PLXDC1: variants seen among roughly 807,000 people sequenced by gnomAD.
PLXDC1 encodes plexin domain containing 1.
Under a neutral mutation model 61.3 loss-of-function variants are expected in PLXDC1, and 39 were observed. The observed-to-expected ratio is 0.64, with a 90% CI of 0.49 to 0.83. PLXDC1 has a LOEUF of 0.83. Ranked by LOEUF, PLXDC1 falls within the 40% of genes least tolerant of loss-of-function variation. The pLI, the probability that PLXDC1 is intolerant of heterozygous loss-of-function variation, is 0.00. For missense variants in PLXDC1, 596 were observed against 666.5 expected, an observed-to-expected ratio of 0.89 and a Z score of 1.17; for synonymous variants, 212 against 254.5, an observed-to-expected ratio of 0.83 and a Z score of 1.59.
At chr17:39,143,805 T>C (rs1005992135) in intron 1 of PLXDC1, among the ~76,000 whole-genome samples, 4 of 152,218 alleles carry the variant, frequency 2.6e-5, no homozygotes, top group Non-Finnish European at 5.9e-5. Flanking sequence ...AGATGCCCAC[T>C]GGCTGCCCAC....
At chr17:39,134,671 GAAAGA>G (rs1911683312) in intron 2 of PLXDC1, among the ~76,000 whole-genome samples, 1 of 149,836 alleles carries the variant, frequency 6.7e-6, no homozygotes, top group Admixed American at 6.6e-5. Context: ...AGAAAAGAAA[GAAAGA>G]AAACAACCAC....
At chr17:39,074,948 T>TTTTC (rs1186015144) in intron 11 of PLXDC1, among the ~76,000 whole-genome samples, 2 of 151,930 alleles carry the variant, frequency 1.3e-5, no homozygotes, top group Non-Finnish European at 2.9e-5. Flanking sequence ...TTCTTTTCCT[T>TTTTC]TTTCTTTCTT....
At chr17:39,131,054 AC>A (rs1156300179) in intron 2 of PLXDC1, among the ~76,000 whole-genome samples, 2 of 152,184 alleles carry the variant, frequency 1.3e-5, no homozygotes, top group African/African-American at 4.8e-5. Flanking sequence ...AGGGGAGACC[AC>A]CAGGACCAAG....
At chr17:39,141,085 AGTG>A (rs1479773383) in intron 1 of PLXDC1, among the ~76,000 whole-genome samples, 1 of 152,208 alleles carries the variant, frequency 6.6e-6, no homozygotes, top group African/African-American at 2.4e-5. Context: ...GCTGGGGAGT[AGTG>A]GTGCGATCAT....
chr17:39,091,005 G>A (rs1300360952), intron 7 of PLXDC1, among the ~76,000 whole-genome samples: 1 of 152,190 alleles, frequency 6.6e-6, no homozygotes, highest in Non-Finnish European at 1.5e-5. Flanking sequence ...GTACTGTGCT[G>A]GCACTCCAGA....
At chr17:39,124,328 C>A (rs1911254987) in intron 2 of PLXDC1, among the ~76,000 whole-genome samples, 1 of 152,246 alleles carries the variant, frequency 6.6e-6, no homozygotes, top group Non-Finnish European at 1.5e-5. Flanking sequence ...CACTGTGGCT[C>A]ACGCCTGTAA....
At chr17:39,088,273 C>G (rs1457509945) in intron 7 of PLXDC1, among the ~76,000 whole-genome samples, 4 of 152,234 alleles carry the variant, frequency 2.6e-5, no homozygotes, top group Non-Finnish European at 1.5e-5. Flanking sequence ...TTGCATGTTG[C>G]TGTCCACCAT....
chr17:39,114,104 G>A (rs909597037), intron 2 of PLXDC1, among the ~76,000 whole-genome samples: 3 of 152,144 alleles, frequency 2.0e-5, no homozygotes, highest in African/African-American at 7.2e-5. Flanking sequence ...ATAAGGACAA[G>A]AGCCACACCC....
At chr17:39,130,625 C>T (rs1430321425) in intron 2 of PLXDC1, among the ~76,000 whole-genome samples, 3 of 152,006 alleles carry the variant, frequency 2.0e-5, no homozygotes, top group Non-Finnish European at 2.9e-5. Flanking sequence ...AGTGCAGTGG[C>T]GTGATCCCAG....
intron 8 of PLXDC1, among the ~76,000 whole-genome samples, chr17:39,086,964 A>G (rs898742284): frequency 4.0e-4 from 61 of 152,020 alleles, no homozygotes; most frequent in African/African-American, 1.4e-3. Context: ...AAGATGGGAG[A>G]GGAAATGAAG....
rs963874965 is a variant in PLXDC1, at chr17:39,122,455, A to G, written c.256-13064T>C. 2.1e-5 allele frequency among the ~76,000 whole-genome samples: 3 copies of G among 146,302 alleles called. No individual in the cohort carries two copies. The East Asian group carries it at 6.2e-4, about 30-fold the overall frequency. On this transcript the variant is annotated intron_variant, in intron 2 of 13. Coordinates refer to ENST00000315392, the MANE Select transcript of PLXDC1 (RefSeq NM_020405.5). ...GCTGGGATGCAGATGTGATGGTGGGAGCTGAAATAGCCATCTTGAGCTACA... is the reference window on the plus strand; with the variant it reads ...GCTGGGATGCAGATGTGATGGTGGGGGCTGAAATAGCCATCTTGAGCTACA...
intron 2 of PLXDC1, among the ~76,000 whole-genome samples, chr17:39,126,110 C>A (rs9912841): frequency 6.6e-6 from 1 of 151,970 alleles, no homozygotes; most frequent in African/African-American, 2.4e-5. Flanking sequence ...AAAAATTAGC[C>A]GGATGTGGTG....
At chr17:39,083,663 G>A (rs1909643446) in intron 8 of PLXDC1, 123 bp from the exon 9 acceptor site, 2 of 740,320 alleles carry the variant, frequency 2.7e-6, no homozygotes, top group South Asian at 1.5e-5. Context: ...GACCTTTAAG[G>A]TCATTAATGC....
rs560646997 is a variant in PLXDC1 at position 39,131,348 on chromosome 17, C to T, written c.255+8306G>A. Among the ~76,000 whole-genome samples the T allele has an allele frequency of 9.4e-4, 129 of 137,848 alleles. No individual in the cohort carries two copies. In the Middle Eastern group the frequency reaches 0.016, roughly 17 times the overall value. The allele number at this position is 137,848 out of a possible 152,430, so 90.4% of individuals were successfully genotyped here. On this transcript the variant is annotated intron_variant, in intron 2 of 13. Transcript: ENST00000315392. ...TTTCTTCTCACAGAATCTCTTCTCT[C>T]TTTTTCTTTTCTTTTTTTTTTAGGC...
rs1312718840 is a variant in PLXDC1 at position 39,067,000 on chromosome 17, T to C, written c.*840A>G. The C allele has an allele frequency of 6.6e-6, 1 of 152,252 alleles. No homozygotes were observed. Among genetic ancestry groups the C allele is most frequent in the Non-Finnish European group, 1.5e-5 (1 of 68,082 alleles). The allele number at this position is 152,252 out of a possible 1,614,324, so 9.4% of individuals were successfully genotyped here. A position where few individuals can be genotyped will look rare whatever the true frequency, so the allele number is the denominator to read the frequency against. Reference sequence around the variant, plus strand: ...TGGCCAGGAGCAGGGCATCTGGCTATCTGGCTATCTCCAGGTAGTGGGTCG... The same window carrying C: ...TGGCCAGGAGCAGGGCATCTGGCTACCTGGCTATCTCCAGGTAGTGGGTCG... On this transcript the variant is annotated 3_prime_UTR_variant, in exon 14 of 14. Transcript: ENST00000315392.
chr17:39,150,285 A>G (rs1223790562), intron 1 of PLXDC1, among the ~76,000 whole-genome samples: 1 of 152,016 alleles, frequency 6.6e-6, no homozygotes, highest in Non-Finnish European at 1.5e-5. Flanking sequence ...ATAGGGACCC[A>G]GGTCTGTCTC....
At chr17:39,095,450 T>A (rs199838901) in intron 7 of PLXDC1, among the ~76,000 whole-genome samples, 1 of 132,512 alleles carries the variant, frequency 7.5e-6, no homozygotes, top group East Asian at 2.4e-4. Flanking sequence ...AGACAATGAC[T>A]TCCATCTCCA....
chr17:39,078,102 T>C, intron 10 of PLXDC1, 54 bp from the exon 11 acceptor site: 2 of 1,484,408 alleles, frequency 1.3e-6, no homozygotes. Context: ...TTTCCCTTCA[T>C]CCTGAAAGCA....
intron 1 of PLXDC1, among the ~76,000 whole-genome samples, chr17:39,147,584 C>G (rs2045350259): frequency 6.6e-6 from 1 of 152,000 alleles, no homozygotes; most frequent in Admixed American, 6.6e-5. Flanking sequence ...AGGTAGGGAC[C>G]CACTGAGGAC....
Sources: gnomAD v4.1 joint callset for allele counts (sites outside exome capture counted in the v4.1 genomes callset) on GRCh38, gnomAD v4.1.1 for gene constraint, MANE v1.5 for transcripts, NCBI Gene and HGNC (gene_info 2026-07-23, HGNC 2026-07-21) for gene names.